CELF2: variants seen among roughly 807,000 people sequenced by gnomAD.
The protein encoded by CELF2 is CUG triplet repeat RNA-binding protein 2.
CELF2 carries 8 observed loss-of-function variants against 62.6 expected under a neutral mutation model. That is an observed-to-expected ratio of 0.13 (90% CI 0.07 to 0.23). The LOEUF (loss-of-function observed/expected upper bound fraction) is 0.23. Among genes scored for constraint, CELF2 ranks in the 10% least tolerant of loss-of-function variants. The pLI, the probability that CELF2 is intolerant of heterozygous loss-of-function variation, is 1.00. For missense variants in CELF2, 333 were observed against 671.0 expected (o/e 0.50, Z 5.56); for synonymous variants, 258 against 250.0 (o/e 1.03, Z -0.30).
upstream of CELF2, among the ~76,000 whole-genome samples, chr10:10,793,520 AAATAT>A (rs1439979816): frequency 6.6e-6 from 1 of 152,242 alleles, no homozygotes; most frequent in African/African-American, 2.4e-5. Context: ...TGCATAAAAT[AAATAT>A]AATACAGACA....
At chr10:11,263,651 T>C (rs994316703) in intron 5 of CELF2, among the ~76,000 whole-genome samples, 2 of 152,196 alleles carry the variant, frequency 1.3e-5, no homozygotes, top group African/African-American at 4.8e-5. Flanking sequence ...TTCTGTCCAA[T>C]GGAAAGCCTT....
the CELF2 span, among the ~76,000 whole-genome samples, chr10:10,676,701 T>C: frequency 6.6e-6 from 1 of 152,044 alleles, no homozygotes; most frequent in Non-Finnish European, 1.5e-5. Flanking sequence ...TAGGTTCTGA[T>C]TTTTTTTGTG....
intron 1 of CELF2, chr10:11,097,491 A>C (rs2050225361): frequency 6.6e-6 from 1 of 152,102 alleles, no homozygotes; most frequent in Admixed American, 6.5e-5. Flanking sequence ...CAATGATAGG[A>C]CCTTTCGATG....
chr10:10,605,301 G>C, the CELF2 span, among the ~76,000 whole-genome samples: 1 of 152,154 alleles, frequency 6.6e-6, no homozygotes, highest in Non-Finnish European at 1.5e-5. Context: ...GAGAGCATTA[G>C]GGAAAGGACC....
intron 1 of CELF2, among the ~76,000 whole-genome samples, chr10:10,862,688 T>A (rs1242657710): frequency 6.6e-6 from 1 of 152,220 alleles, no homozygotes; most frequent in East Asian, 1.9e-4. Context: ...CTGTGTTCAA[T>A]CATTTGCAGA....
chr10:11,107,433 G>C (rs752952504), intron 1 of CELF2, among the ~76,000 whole-genome samples: 2 of 152,072 alleles, frequency 1.3e-5, no homozygotes, highest in Non-Finnish European at 2.9e-5. Flanking sequence ...TTTGGAGTGC[G>C]GTCTGTAGAG....
At chr10:10,871,391 T>C (rs912559056) in intron 1 of CELF2, among the ~76,000 whole-genome samples, 1 of 152,228 alleles carries the variant, frequency 6.6e-6, no homozygotes, top group Admixed American at 6.5e-5. Flanking sequence ...TTATTTTCTT[T>C]AGAAGATTTC....
At chr10:11,023,917 G>A (rs1162937397) in intron 1 of CELF2, among the ~76,000 whole-genome samples, 1 of 152,166 alleles carries the variant, frequency 6.6e-6, no homozygotes, top group Non-Finnish European at 1.5e-5. Flanking sequence ...GTGTAGTCCT[G>A]TGGTTTTCAA....
chr10:11,010,092 C>T lies in CELF2; in HGVS notation c.53+4652C>T, dbSNP rs367618591. 2.6e-5 allele frequency: 4 copies of T among 152,262 alleles called. No homozygotes were observed. The highest frequency in any genetic ancestry group is 4.8e-5 in the African/African-American group (2 of 41,456). 9.4% of individuals were successfully genotyped at this position (152,262 alleles called of 1,614,324 possible). A position where few individuals can be genotyped will look rare whatever the true frequency, so the allele number is the denominator to read the frequency against. Reference sequence around the variant, plus strand: ...GGACAGCAGGCCCTGCGATGTTGCTCATGCTTTGCTTTGTGAACATCCTGG... The same window carrying T: ...GGACAGCAGGCCCTGCGATGTTGCTTATGCTTTGCTTTGTGAACATCCTGG... On this transcript the variant is annotated intron_variant, in intron 1 of 12. Transcript: ENST00000416382. The surrounding 1 kb of genome is among the most constrained non-coding windows in gnomAD (Gnocchi z 4.1).
At chr10:11,041,108 T>C (rs945334134) in intron 1 of CELF2, among the ~76,000 whole-genome samples, 2 of 152,258 alleles carry the variant, frequency 1.3e-5, no homozygotes, top group Non-Finnish European at 2.9e-5. Context: ...GGCTGCCTTC[T>C]AGCTGTACCC....
chr10:11,168,897 C>G (rs993284), intron 2 of CELF2: 29,346 of 152,188 alleles, frequency 0.19, 2,962 homozygotes, highest in East Asian at 0.28. Flanking sequence ...GACTCTGGCT[C>G]AGTAAACTCT....
the CELF2 span, among the ~76,000 whole-genome samples, chr10:10,587,746 T>C: frequency 1.3e-5 from 2 of 152,172 alleles, no homozygotes; most frequent in Non-Finnish European, 2.9e-5. Flanking sequence ...CTCAACTCTT[T>C]CCTTGCTCTT....
At chr10:10,712,781 C>T in the CELF2 span, among the ~76,000 whole-genome samples, 4 of 152,200 alleles carry the variant, frequency 2.6e-5, no homozygotes, top group African/African-American at 9.6e-5. Context: ...TTGCTTTGCT[C>T]TCCAAAATAT....
chr10:11,065,426 G>T (rs1008223430), intron 1 of CELF2, among the ~76,000 whole-genome samples: 1 of 152,142 alleles, frequency 6.6e-6, no homozygotes, highest in East Asian at 1.9e-4. Flanking sequence ...TTTTGGGAAA[G>T]AGAAGCGTAG....
At chr10:10,531,588 G>A in the CELF2 span, among the ~76,000 whole-genome samples, 1 of 152,036 alleles carries the variant, frequency 6.6e-6, no homozygotes, top group Admixed American at 6.5e-5. Context: ...CTCCCACACT[G>A]AGCCGCTCTA....
intron 1 of CELF2, among the ~76,000 whole-genome samples, chr10:11,154,968 G>GAA (rs2064031771): frequency 6.6e-6 from 1 of 152,196 alleles, no homozygotes; most frequent in African/African-American, 2.4e-5. Flanking sequence ...AGAGTCAGTT[G>GAA]TTGCATTGAA....
intron 1 of CELF2, among the ~76,000 whole-genome samples, chr10:10,887,075 A>C (rs1208983552): frequency 2.6e-5 from 4 of 151,948 alleles, no homozygotes; most frequent in Non-Finnish European, 5.9e-5. Flanking sequence ...CAGGTCTAAA[A>C]TAACCGGGGA....
intron 2 of CELF2, among the ~76,000 whole-genome samples, chr10:11,172,926 T>C (rs2069443089): frequency 6.6e-6 from 1 of 152,152 alleles, no homozygotes; most frequent in African/African-American, 2.4e-5. Flanking sequence ...ACTTCTTTGG[T>C]AGAAATGTGA....
At chr10:10,660,125 C>G in the CELF2 span, among the ~76,000 whole-genome samples, 5 of 152,118 alleles carry the variant, frequency 3.3e-5, no homozygotes, top group Non-Finnish European at 5.9e-5. Flanking sequence ...TTTGATTCCC[C>G]CAAAAGAATT....
Sources: allele counts gnomAD v4.1 joint callset (sites outside exome capture counted in the v4.1 genomes callset), GRCh38; gene constraint gnomAD v4.1.1; non-coding constraint Gnocchi (gnomAD v3.1); transcripts MANE v1.5; gene names NCBI Gene and HGNC (gene_info 2026-07-23, HGNC 2026-07-21).